PABPC4L: variants seen among roughly 807,000 people sequenced by gnomAD.
The protein encoded by PABPC4L is poly(A) binding protein cytoplasmic 4 like.
For synonymous variants in PABPC4L, 169 were observed against 164.1 expected (o/e 1.03, Z -0.23); for missense variants, 452 against 451.4 (o/e 1.00, Z -0.01).
At chr4:134,089,910 T>C in the PABPC4L span, among the ~76,000 whole-genome samples, 2 of 152,168 alleles carry the variant, frequency 1.3e-5, no homozygotes, top group African/African-American at 2.4e-5. Flanking sequence ...TCTTGGAACA[T>C]ACCCTTCATA....
At chr4:134,015,998 T>C in the PABPC4L span, among the ~76,000 whole-genome samples, 1 of 151,992 alleles carries the variant, frequency 6.6e-6, no homozygotes, top group South Asian at 2.1e-4. Flanking sequence ...TTATTCCGGA[T>C]ACCACACCTG....
At chr4:134,194,127 AAG>A (rs1729588100), downstream of PABPC4L, among the ~76,000 whole-genome samples, 1 of 151,886 alleles carries the variant, frequency 6.6e-6, no homozygotes, top group Admixed American at 6.6e-5. Flanking sequence ...ATAAAAAAAG[AAG>A]AGTTATGTTG....
the PABPC4L span, among the ~76,000 whole-genome samples, chr4:134,037,379 C>T: frequency 2.6e-5 from 4 of 152,082 alleles, no homozygotes; most frequent in African/African-American, 9.6e-5. Context: ...TAAGTATGTT[C>T]CTATGCATTT....
chr4:133,952,171 CT>C, the PABPC4L span, among the ~76,000 whole-genome samples: 1 of 152,088 alleles, frequency 6.6e-6, no homozygotes, highest in Non-Finnish European at 1.5e-5. Context: ...GTTGGAATTC[CT>C]CCAGGACGTT....
chr4:134,104,166 G>C, the PABPC4L span, among the ~76,000 whole-genome samples: 1 of 151,716 alleles, frequency 6.6e-6, no homozygotes, highest in Non-Finnish European at 1.5e-5. Context: ...CTGGTCTCCT[G>C]AATGTGAATT....
chr4:134,196,913 G>A lies in PABPC4L; in HGVS notation c.*2994C>T, dbSNP rs1729676813. On this transcript the variant is annotated 3_prime_UTR_variant, in exon 2 of 2. Coordinates refer to ENST00000421491, the MANE Select transcript of PABPC4L (RefSeq NM_001114734.2). ...ATAGCTATAATTCATCTAGACATCT[G>A]ATGTTATGTCCTATTAACTACTTAC... 1 of 151,420 alleles carries A rather than the reference G, an allele frequency of 6.6e-6. No homozygotes were observed. Among genetic ancestry groups the A allele is most frequent in the African/African-American group, 2.4e-5 (1 of 41,302 alleles). The allele number at this position is 151,420 out of a possible 1,614,324, so 9.4% of individuals were successfully genotyped here. A position where few individuals can be genotyped will look rare whatever the true frequency, so the allele number is the denominator to read the frequency against.
chr4:134,051,685 T>C, the PABPC4L span, among the ~76,000 whole-genome samples: 2 of 152,130 alleles, frequency 1.3e-5, no homozygotes, highest in Non-Finnish European at 2.9e-5. Context: ...TGAAAAGAAC[T>C]GAAGCAGCAA....
chr4:134,028,460 T>C, the PABPC4L span, among the ~76,000 whole-genome samples: 2 of 151,676 alleles, frequency 1.3e-5, no homozygotes, highest in African/African-American at 4.8e-5. Context: ...TTGATATTTT[T>C]GTCAGCTTTT....
the PABPC4L span, among the ~76,000 whole-genome samples, chr4:133,956,948 G>C: frequency 3.9e-5 from 6 of 152,100 alleles, no homozygotes; most frequent in Non-Finnish European, 8.8e-5. Flanking sequence ...TCCCTTCAAT[G>C]ACACATGGGG....
At chr4:134,179,180 A>T in the PABPC4L span, among the ~76,000 whole-genome samples, 1 of 152,160 alleles carries the variant, frequency 6.6e-6, no homozygotes, top group Non-Finnish European at 1.5e-5. Flanking sequence ...AGGAAATCCC[A>T]TCGGGCAAAC....
the PABPC4L span, among the ~76,000 whole-genome samples, chr4:134,172,933 C>A: frequency 6.6e-6 from 1 of 151,654 alleles, no homozygotes; most frequent in Non-Finnish European, 1.5e-5. Context: ...AGAAGACAAA[C>A]AAATGACCAA....
At chr4:134,058,453 C>T in the PABPC4L span, among the ~76,000 whole-genome samples, 1 of 151,668 alleles carries the variant, frequency 6.6e-6, no homozygotes, top group Non-Finnish European at 1.5e-5. Context: ...AAAAAAGGTG[C>T]CTTAGGCTTT....
the PABPC4L span, among the ~76,000 whole-genome samples, chr4:134,086,287 A>G: frequency 1.3e-5 from 2 of 151,900 alleles, no homozygotes; most frequent in Non-Finnish European, 2.9e-5. Flanking sequence ...TATTTTCTAT[A>G]TAATCCAGTT....
At chr4:134,178,066 C>G in the PABPC4L span, among the ~76,000 whole-genome samples, 28 of 152,202 alleles carry the variant, frequency 1.8e-4, 1 homozygote, top group Non-Finnish European at 3.7e-4. Context: ...CTAGAGCTTC[C>G]AGCCCAGTGG....
At chr4:134,094,483 G>A in the PABPC4L span, among the ~76,000 whole-genome samples, 1 of 151,740 alleles carries the variant, frequency 6.6e-6, no homozygotes, top group African/African-American at 2.4e-5. Context: ...ATATAGCATA[G>A]CAATTGAAAG....
the PABPC4L span, among the ~76,000 whole-genome samples, chr4:134,052,276 T>C: frequency 9.6e-4 from 146 of 152,200 alleles, 1 homozygote; most frequent in African/African-American, 3.1e-3. Flanking sequence ...ATATTCTAAA[T>C]TTAAAGTTTA....
the PABPC4L span, among the ~76,000 whole-genome samples, chr4:133,962,314 G>T: frequency 6.6e-6 from 1 of 152,186 alleles, no homozygotes; most frequent in African/African-American, 2.4e-5. Flanking sequence ...GAATTCAGGA[G>T]CTTAGTTATT....
At chr4:134,035,812 C>T in the PABPC4L span, among the ~76,000 whole-genome samples, 2 of 152,016 alleles carry the variant, frequency 1.3e-5, no homozygotes, top group Non-Finnish European at 2.9e-5. Context: ...TAATAGATGT[C>T]ATGTTTTTAT....
chr4:133,967,891 A>T, the PABPC4L span, among the ~76,000 whole-genome samples: 2 of 152,216 alleles, frequency 1.3e-5, no homozygotes, highest in African/African-American at 4.8e-5. Context: ...TTAAAGGTTT[A>T]GTCTTATGAA....
Sources: allele counts gnomAD v4.1 joint callset (sites outside exome capture counted in the v4.1 genomes callset), GRCh38; gene constraint gnomAD v4.1.1; transcripts MANE v1.5; gene names NCBI Gene and HGNC (gene_info 2026-07-23, HGNC 2026-07-21).